LTF: variants seen among roughly 807,000 people sequenced by gnomAD.
LTF encodes lactotransferrin, also known as epididymis luminal protein 110.
A neutral mutation model predicts 87.2 loss-of-function variants in LTF; 91 were observed. That is an observed-to-expected ratio of 1.04 (90% CI 0.88 to 1.24). The LOEUF is 1.24. Ranked by LOEUF, LTF falls within the 50% of genes most tolerant of loss-of-function variation. LTF has a pLI of 0.00. For missense variants in LTF, 901 were observed against 904.3 expected (o/e 1.00, Z 0.05); for synonymous variants, 378 against 356.1 (o/e 1.06, Z -0.69).
chr3:46,457,841 C>T (rs1199948765), intron 2 of LTF, among the ~76,000 whole-genome samples: 3 of 151,848 alleles, frequency 2.0e-5, no homozygotes, highest in South Asian at 2.1e-4. Flanking sequence ...GCAGTGGTAC[C>T]ATCTCAGCTC....
chr3:46,449,743 G>T, intron 8 of LTF, 111 bp downstream of exon 8: 1 of 1,153,600 alleles, frequency 8.7e-7, no homozygotes, highest in Admixed American at 2.3e-5. Flanking sequence ...AAACCTCCAC[G>T]ATGACCCCAC....
intron 16 of LTF, 21 bp from the exon 17 acceptor site, chr3:46,436,250 A>G: frequency 2.5e-6 from 4 of 1,611,412 alleles, no homozygotes; most frequent in Non-Finnish European, 3.4e-6. Context: ...CAACAGAGCA[A>G]GAGATTCAGA....
At chr3:46,460,625 G>A (rs1169437786) in intron 1 of LTF, 6 of 453,666 alleles carry the variant, frequency 1.3e-5, no homozygotes, top group Admixed American at 9.4e-5. Context: ...CTAAAATGGT[G>A]AAAGACTGAC....
chr3:46,443,459 C>T lies in LTF; in HGVS notation c.1637G>A (p.Gly546Asp). 6.2e-7 allele frequency: 1 copy of T among 1,614,204 alleles called. No homozygotes were observed. The highest frequency in any genetic ancestry group is 1.3e-5 in the African/African-American group (1 of 75,054). The change falls in exon 13 of 17, where the codon GGC becomes GAC. Residue 546 changes from glycine (G) to aspartate (D), a missense_variant. Physicochemically the swap from Gly to Asp is moderately conservative, Grantham distance 94 (BLOSUM62 -1). Transcript: ENST00000231751. The part of the protein sequence containing the change: ...CVPNSNERYY[G>D]YTGAFRCLAE... ...GACTCACCGGAAAGCCCCAGTGTAG[C>T]CGTAGTATCTCTCGTTGCTGTTGGG... is the stretch of plus-strand genomic sequence containing the variant.
chr3:46,435,970 A>G lies in LTF; in HGVS notation c.*225T>C. 2 of 572,348 alleles carry G rather than the reference A, an allele frequency of 3.5e-6. No homozygotes were observed. The highest frequency in any genetic ancestry group is 6.2e-6 in the Non-Finnish European group (2 of 320,966). 35.5% of individuals were successfully genotyped at this position (572,348 alleles called of 1,614,324 possible). On this transcript the variant is annotated 3_prime_UTR_variant, in exon 17 of 17. Transcript: ENST00000231751. ...GGTATTTTGTCAGGCATGTGATTTC[A>G]GTATAAAATTCTAGAAAAGATGAGT...
At chr3:46,475,093 C>T (rs571959011) in intron 1 of LTF, among the ~76,000 whole-genome samples, 146 of 152,182 alleles carry the variant, frequency 9.6e-4, no homozygotes, top group Middle Eastern at 3.4e-3. Context: ...AGAAAGAAAA[C>T]AGAAGCTATC....
At chr3:46,467,212 G>GCATTCATTCATTCATT (rs10663529), upstream of LTF, among the ~76,000 whole-genome samples, 7 of 150,122 alleles carry the variant, frequency 4.7e-5, no homozygotes, top group African/African-American at 1.7e-4. Context: ...TCTATTAACA[G>GCATTCATTCATTCATT]CATTCATTCA....
chr3:46,456,243 C>T (rs1195299360), intron 3 of LTF, 47 bp downstream of exon 3: 2 of 1,494,708 alleles, frequency 1.3e-6, no homozygotes, highest in Admixed American at 1.7e-5. Flanking sequence ...CAGCTCAGGG[C>T]ACAGGCTGAG....
In LTF at chr3:46,450,622, T is replaced by C. The variant is rs756082327; in HGVS notation, c.755A>G (p.Asp252Gly). ...ERDEYELLCP[D>G]NTRKPVDKFK... Reference sequence around the variant, plus strand: ...CTTGTCCACTGGCTTCCGAGTGTTGTCTGGGCAGAGTAACTCATACTCGTC... The same window carrying C: ...CTTGTCCACTGGCTTCCGAGTGTTGCCTGGGCAGAGTAACTCATACTCGTC... Residue 252 changes from aspartate (D) to glycine (G), a missense_variant, in exon 7 of 17, where the codon GAC becomes GGC. By Grantham distance (94) the Asp-to-Gly change is moderately conservative (BLOSUM62 -1). Coordinates refer to ENST00000231751, the MANE Select transcript of LTF (RefSeq NM_002343.6). 9 of 1,614,178 alleles carry C rather than the reference T, an allele frequency of 5.6e-6. No homozygotes were observed. Among genetic ancestry groups the C allele is most frequent in the Non-Finnish European group, 5.9e-6 (7 of 1,180,024 alleles).
rs1559599454 is a variant in LTF at position 46,450,567 on chromosome 3, A to G, written c.810T>C (p.Pro270=). Residue 270 remains proline (P), a synonymous_variant, in exon 7 of 17, where the codon CCT becomes CCC. Transcript: ENST00000231751. ...CACTTCGTGCCACAACGGCATGAGA[A>G]GGGACCCGGGCCAGATGGCAGTCTT... is the stretch of plus-strand genomic sequence containing the variant. ...KFKDCHLARV[P]SHAVVARSVN... The G allele has an allele frequency of 6.2e-7, 1 of 1,614,148 alleles. No individual in the cohort carries two copies. The highest frequency in any genetic ancestry group is 8.5e-7 in the Non-Finnish European group (1 of 1,180,028).
chr3:46,449,025 A>C lies in LTF; in HGVS notation c.1058-8T>G. The C allele has an allele frequency of 6.2e-7, 1 of 1,602,938 alleles. No homozygotes were observed. The highest frequency in any genetic ancestry group is 1.1e-5 in the South Asian group (1 of 90,108). ...CAGCCACTTCCTCCTCACCTGCCAG[A>C]GGGAAGACCGCAGGTGGCTGGGCAA... On this transcript the variant is annotated splice_polypyrimidine_tract_variant and splice_region_variant and intron_variant, in intron 8 of 16. Coordinates refer to ENST00000231751, the MANE Select transcript of LTF (RefSeq NM_002343.6).
chr3:46,445,388 C>T lies in LTF; in HGVS notation c.1406G>A (p.Trp469Ter). 1 of 1,613,966 alleles carries T rather than the reference C, an allele frequency of 6.2e-7. No individual in the cohort carries two copies. ...VVRRSDTSLT[W>*]NSVKGKKSCH... ...GGACTTCTTGCCTTTCACAGAGTTC[C>T]AGGTAAGGCTAGTGTCTGATCTCCT... Residue 469 changes from tryptophan to a stop codon, truncating the protein, a stop_gained, in exon 12 of 17, where the codon TGG (tryptophan) becomes TAG (stop). Coordinates refer to ENST00000231751, the MANE Select transcript of LTF (RefSeq NM_002343.6). LOFTEE classifies it high-confidence loss of function.
chr3:46,450,237 A>C (rs560276409), intron 7 of LTF, among the ~76,000 whole-genome samples: 2 of 152,008 alleles, frequency 1.3e-5, no homozygotes, highest in South Asian at 4.2e-4. Context: ...AGGTCCAAGC[A>C]CCTTAGGGCC....
At chr3:46,455,557 G>T in intron 4 of LTF, 115 bp from the exon 5 acceptor site, 2 of 1,334,028 alleles carry the variant, frequency 1.5e-6, no homozygotes, top group Non-Finnish European at 2.1e-6. Flanking sequence ...CCCTGCAGGA[G>T]AGACTCTGTC....
At chr3:46,442,672 T>C (rs1304354212) in intron 13 of LTF, among the ~76,000 whole-genome samples, 1 of 152,220 alleles carries the variant, frequency 6.6e-6, no homozygotes, top group Non-Finnish European at 1.5e-5. Flanking sequence ...GCCACTTATA[T>C]AGCAAAAGCT....
At chr3:46,440,885 T>C (rs1702499543) in intron 14 of LTF, among the ~76,000 whole-genome samples, 1 of 152,214 alleles carries the variant, frequency 6.6e-6, no homozygotes, top group South Asian at 2.1e-4. Context: ...GTTCAAACAT[T>C]GGCTGGAAGA....
chr3:46,454,992 G>C (rs1311886179), intron 5 of LTF, among the ~76,000 whole-genome samples: 1 of 152,194 alleles, frequency 6.6e-6, no homozygotes, highest in Non-Finnish European at 1.5e-5. Flanking sequence ...TTAGTATGAG[G>C]AACCCAGGAC....
At chr3:46,455,109 C>T (rs568278219) in intron 5 of LTF, among the ~76,000 whole-genome samples, 186 bp downstream of exon 5, 5 of 152,286 alleles carry the variant, frequency 3.3e-5, no homozygotes, top group Admixed American at 6.5e-5. Context: ...CAGTTGGGCC[C>T]GGAAGGCTGG....
chr3:46,453,199 G>A (rs1461933823), intron 6 of LTF, among the ~76,000 whole-genome samples: 6 of 152,152 alleles, frequency 3.9e-5, no homozygotes, highest in Admixed American at 6.5e-5. Flanking sequence ...AAGCCCAAAC[G>A]GCTAGCAAAT....
Sources: allele counts gnomAD v4.1 joint callset (sites outside exome capture counted in the v4.1 genomes callset), GRCh38; gene constraint gnomAD v4.1.1; transcripts MANE v1.5; gene names NCBI Gene and HGNC (gene_info 2026-07-23, HGNC 2026-07-21).